The following CNTNAP5 variants were observed in gnomAD, a reference collection of about 807,000 sequenced individuals.
CNTNAP5 encodes the protein contactin-associated protein-like 5.
In CNTNAP5, 72 loss-of-function variants were observed where a neutral mutation model predicts 150.2. That is an observed-to-expected ratio of 0.48 (90% CI 0.40 to 0.58). CNTNAP5 has a LOEUF of 0.58. Among genes scored for constraint, CNTNAP5 ranks in the 20% least tolerant of loss-of-function variants. CNTNAP5 has a pLI of 0.00. For missense variants in CNTNAP5, 1,636 were observed against 1,626.2 expected, an observed-to-expected ratio of 1.01 and a Z score of -0.10; for synonymous variants, 672 against 619.8, an observed-to-expected ratio of 1.08 and a Z score of -1.25.
intron 1 of CNTNAP5, among the ~76,000 whole-genome samples, chr2:124,148,853 TAG>T (rs141724314): frequency 6.3e-4 from 96 of 151,506 alleles, no homozygotes; most frequent in African/African-American, 2.0e-3. Context: ...TATGCATCTA[TAG>T]AGAGAGAGGT....
At chr2:124,668,920 G>T (rs1043913722) in intron 13 of CNTNAP5, among the ~76,000 whole-genome samples, 5 of 152,158 alleles carry the variant, frequency 3.3e-5, no homozygotes, top group African/African-American at 1.2e-4. Context: ...CTTTAAGGAT[G>T]TGGTGCTATA....
At chr2:124,888,714 T>C (rs1678131090) in intron 21 of CNTNAP5, among the ~76,000 whole-genome samples, 2 of 152,192 alleles carry the variant, frequency 1.3e-5, no homozygotes, top group African/African-American at 4.8e-5. Context: ...TTGAGCATTT[T>C]TTCATAAGTC....
intron 4 of CNTNAP5, among the ~76,000 whole-genome samples, chr2:124,431,726 ATATT>A (rs1028541955): frequency 2.0e-5 from 3 of 148,526 alleles, no homozygotes; most frequent in Non-Finnish European, 3.0e-5. Flanking sequence ...ATTATATGTA[ATATT>A]TATTTATATA....
At chr2:124,599,315 T>A (rs1174392985) in intron 11 of CNTNAP5, among the ~76,000 whole-genome samples, 3 of 152,170 alleles carry the variant, frequency 2.0e-5, no homozygotes, top group Admixed American at 2.0e-4. Flanking sequence ...CTGATTTGAG[T>A]TGCCTTTATC....
At position 124,918,973 on chromosome 2, in the gene CNTNAP5, G is replaced by A. The variant is rs1404381311; in HGVS notation, c.*4685G>A. On this transcript the variant is annotated 3_prime_UTR_variant, in exon 24 of 24. Coordinates refer to ENST00000682447, the MANE Select transcript of CNTNAP5 (RefSeq NM_001367498.1). ...TGTAATTGAATTATTTCTATATACT[G>A]TTCTTGAGTCTTTCTTGACCTCTTC... 6.6e-6 allele frequency among the ~76,000 whole-genome samples: 1 copy of A among 152,044 alleles called. No individual in the cohort carries two copies. The highest frequency in any genetic ancestry group is 2.4e-5 in the African/African-American group (1 of 41,422).
At chr2:124,510,411 T>G (rs1180002035) in intron 8 of CNTNAP5, among the ~76,000 whole-genome samples, 1 of 118,626 alleles carries the variant, frequency 8.4e-6, no homozygotes, top group Non-Finnish European at 1.7e-5. Context: ...GCCACTGCAC[T>G]CCAGCCTAGG....
chr2:124,788,568 T>C (rs1045860916), intron 17 of CNTNAP5, among the ~76,000 whole-genome samples: 7 of 151,432 alleles, frequency 4.6e-5, no homozygotes, highest in African/African-American at 1.7e-4. Context: ...TTGTATTCTA[T>C]GTTATTTTTT....
intron 13 of CNTNAP5, among the ~76,000 whole-genome samples, chr2:124,734,706 A>G (rs868286647): frequency 6.6e-6 from 1 of 151,804 alleles, no homozygotes; most frequent in South Asian, 2.1e-4. Flanking sequence ...TCTGTATTTT[A>G]TTTGTCTCCA....
chr2:124,398,898 T>A (rs1455419067), intron 3 of CNTNAP5, among the ~76,000 whole-genome samples: 1 of 152,106 alleles, frequency 6.6e-6, no homozygotes, highest in East Asian at 1.9e-4. Flanking sequence ...ACGATGAAGA[T>A]GATGGTGATG....
intron 17 of CNTNAP5, among the ~76,000 whole-genome samples, chr2:124,785,128 C>T (rs529333213): frequency 6.6e-6 from 1 of 150,524 alleles, no homozygotes; most frequent in Non-Finnish European, 1.5e-5. Flanking sequence ...TTTTGTTCTT[C>T]TAAAATTACA....
chr2:124,763,876 C>G, intron 15 of CNTNAP5, 77 bp downstream of exon 15: 1 of 1,600,678 alleles, frequency 6.2e-7, no homozygotes, highest in Non-Finnish European at 8.5e-7. Flanking sequence ...ATCCCTTTTC[C>G]CTGCAGTGTG....
intron 10 of CNTNAP5, among the ~76,000 whole-genome samples, chr2:124,543,703 G>A (rs1478794090): frequency 1.3e-5 from 2 of 152,116 alleles, no homozygotes; most frequent in African/African-American, 4.8e-5. Flanking sequence ...TTTCAGAAGT[G>A]CCTGGCAGAA....
chr2:124,778,781 G>A (rs1293826576), intron 17 of CNTNAP5: 1 of 151,946 alleles, frequency 6.6e-6, no homozygotes, highest in Non-Finnish European at 1.5e-5. Context: ...GATTCTGAAT[G>A]GTAATGTAGT....
intron 6 of CNTNAP5, among the ~76,000 whole-genome samples, chr2:124,468,441 C>T (rs752350884): frequency 4.6e-5 from 7 of 152,076 alleles, no homozygotes; most frequent in Non-Finnish European, 1.0e-4. Flanking sequence ...TCCAACACAG[C>T]AGAAAGAAGC....
At position 124,461,281 on chromosome 2, in the gene CNTNAP5, T is replaced by C. The variant is rs556358368; in HGVS notation, c.919-13458T>C. On this transcript the variant is annotated intron_variant, in intron 6 of 23. Transcript: ENST00000682447. ...AGCAAAGACTTGGAACCAAGCCAAA[T>C]GTCCAACAATGATAGACTGGATTAA... Among the ~76,000 whole-genome samples the C allele has an allele frequency of 2.1e-4, 32 of 152,170 alleles. 1 individual carries two copies. In the East Asian group the frequency reaches 6.0e-3, roughly 29 times the overall value.
chr2:124,278,583 C>T (rs1243328654), intron 3 of CNTNAP5, among the ~76,000 whole-genome samples: 2 of 152,102 alleles, frequency 1.3e-5, no homozygotes, highest in African/African-American at 2.4e-5. Context: ...GTGGATGATG[C>T]AGTACTTCAA....
intron 3 of CNTNAP5, among the ~76,000 whole-genome samples, chr2:124,288,197 T>G (rs1688201570): frequency 6.6e-6 from 1 of 152,200 alleles, no homozygotes; most frequent in African/African-American, 2.4e-5. Flanking sequence ...CCCAAAATGC[T>G]GAGATTACAG....
intron 19 of CNTNAP5, among the ~76,000 whole-genome samples, chr2:124,815,855 A>G (rs898396459): frequency 2.6e-5 from 4 of 152,160 alleles, no homozygotes; most frequent in African/African-American, 9.6e-5. Flanking sequence ...CTGTGCTGGG[A>G]CACGATATTC....
rs77775884 is a variant in CNTNAP5, at chr2:124,110,554, G to C, written c.82+84822G>C. Among the ~76,000 whole-genome samples, 3 of 152,280 alleles carry C rather than the reference G, an allele frequency of 2.0e-5. No individual in the cohort carries two copies. The East Asian group carries it at 5.8e-4, about 29-fold the overall frequency. On this transcript the variant is annotated intron_variant, in intron 1 of 23. Transcript: ENST00000682447. ...AGTGTCTTCAAAGAGTTATAGGAAA[G>C]ATAAGACTGTTTATTGACTATTTAC...
Sources: gnomAD v4.1 joint callset for allele counts (sites outside exome capture counted in the v4.1 genomes callset) on GRCh38, gnomAD v4.1.1 for gene constraint, MANE v1.5 for transcripts, NCBI Gene and HGNC (gene_info 2026-07-23, HGNC 2026-07-21) for gene names.